LHX6: variants seen among roughly 807,000 people sequenced by gnomAD.
LHX6 encodes LIM homeobox 6.
In LHX6, 15 loss-of-function variants were observed where a neutral mutation model predicts 47.1. That is an observed-to-expected ratio of 0.32 (90% CI 0.21 to 0.49). The LOEUF (loss-of-function observed/expected upper bound fraction) is 0.49. Ranked by LOEUF, LHX6 falls within the 20% of genes least tolerant of loss-of-function variation. LHX6 has a pLI of 0.99. For synonymous variants in LHX6, 242 were observed against 233.5 expected, an observed-to-expected ratio of 1.04 and a Z score of -0.33; for missense variants, 404 against 539.6, an observed-to-expected ratio of 0.75 and a Z score of 2.49.
intron 4 of LHX6, among the ~76,000 whole-genome samples, chr9:122,222,390 TC>T (rs1830901481): frequency 6.6e-6 from 1 of 151,878 alleles, no homozygotes. Flanking sequence ...AAATTAAGAG[TC>T]CTGTCACATT....
At chr9:122,209,819 C>T in intron 8 of LHX6, 102 bp from the exon 9 acceptor site, 2 of 614,084 alleles carry the variant, frequency 3.3e-6, no homozygotes, top group South Asian at 3.8e-5. Flanking sequence ...CCAGTTTCAT[C>T]TCTGCCACTT....
intron 4 of LHX6, among the ~76,000 whole-genome samples, chr9:122,219,474 C>A (rs1186701975): frequency 6.6e-6 from 1 of 152,194 alleles, no homozygotes; most frequent in Non-Finnish European, 1.5e-5. Context: ...TACTCCCCCT[C>A]GAAGAGCCGA....
chr9:122,209,671 T>C lies in LHX6; in HGVS notation c.1101A>G (p.Ala367=), dbSNP rs1588337078. Residue 367 remains alanine, a synonymous_variant, in exon 9 of 10, where the codon GCA becomes GCG. Coordinates refer to ENST00000394319, the MANE Select transcript of LHX6 (RefSeq NM_014368.5). ...TATCGGCTTTGAGGTGGACGGGGGGTGCGGTGTAAGGCAGCCGGCAGTGCA... is the reference window on the plus strand; with the variant it reads ...TATCGGCTTTGAGGTGGACGGGGGGCGCGGTGTAAGGCAGCCGGCAGTGCA... ...GQVHCRLPYT[A]PPVHLKADMD... The C allele has an allele frequency of 3.0e-6, 4 of 1,316,102 alleles. No individual in the cohort carries two copies. The highest frequency in any genetic ancestry group is 1.8e-4 in the Middle Eastern group (1 of 5,524). 81.5% of individuals were successfully genotyped at this position (1,316,102 alleles called of 1,614,324 possible).
At chr9:122,209,474 C>T (rs1212374684) in intron 9 of LHX6, 140 bp downstream of exon 9, 7 of 1,265,258 alleles carry the variant, frequency 5.5e-6, no homozygotes, top group South Asian at 2.7e-5. Context: ...TGTGGGGGTG[C>T]GGTGGGGGTC....
Position 122,217,269 on chromosome 9 carries a change from C to A in LHX6, c.481G>T (p.Ala161Ser). The change falls in exon 5 of 10, where the codon GCC (alanine) becomes TCC (serine). Residue 161 changes from alanine to serine, a missense_variant. Around this residue, in one of 7 missense-constraint regions of LHX6, gnomAD observed 53 missense variants for 97.4 expected, o/e 0.54. Coordinates refer to ENST00000394319, the MANE Select transcript of LHX6 (RefSeq NM_014368.5). This position sits in a 1 kb window ranked among gnomAD's most constrained non-coding sequence, Gnocchi z 4.9. ...DYFSRFGTKC[A>S]RCGRQIYASD... ...GCGTAGATCTGTCGGCCGCACCGGG[C>A]ACACTTGGTCCCGAATCGGCTGCAG... 1 of 1,612,582 alleles carries A rather than the reference C, an allele frequency of 6.2e-7. No individual in the cohort carries two copies. Among genetic ancestry groups the A allele is most frequent in the Non-Finnish European group, 8.5e-7 (1 of 1,179,796 alleles).
At position 122,214,510 on chromosome 9, in the gene LHX6, C is replaced by T; in HGVS notation, c.683-127G>A. ...CGGGAGTTGGCTGGGAGCAGGGATC[C>T]CAGGGTCCTAGTCCCTGAGCTCAGT... is the stretch of plus-strand genomic sequence containing the variant. On this transcript the variant is annotated intron_variant, in intron 5 of 9. Transcript: ENST00000394319. The surrounding 1 kb of genome is among the most constrained non-coding windows in gnomAD (Gnocchi z 4.6). 1.5e-6 allele frequency: 2 copies of T among 1,320,000 alleles called. No individual in the cohort carries two copies. Among genetic ancestry groups the T allele is most frequent in the Non-Finnish European group, 2.0e-6 (2 of 1,014,408 alleles). 81.8% of individuals were successfully genotyped at this position (1,320,000 alleles called of 1,614,324 possible).
chr9:122,218,360 G>A (rs2118875093), intron 4 of LHX6, among the ~76,000 whole-genome samples: 1 of 152,230 alleles, frequency 6.6e-6, no homozygotes, highest in South Asian at 2.1e-4. Flanking sequence ...CCCAGCCCCT[G>A]AAGCTTGAAA....
At chr9:122,227,913 T>C (rs1044619561) in intron 1 of LHX6, 2 of 349,268 alleles carry the variant, frequency 5.7e-6, no homozygotes, top group South Asian at 4.2e-5. Flanking sequence ...ATTTGATTTT[T>C]TAATGGTAGT....
rs1329346796 is a variant in LHX6, at chr9:122,217,101, T to C, written c.649A>G (p.Met217Val). The C allele has an allele frequency of 4.3e-6, 7 of 1,614,048 alleles. No individual in the cohort carries two copies. The highest frequency in any genetic ancestry group is 2.2e-5 in the East Asian group (1 of 44,874). Residue 217 changes from methionine (M) to valine (V), a missense_variant, in exon 5 of 10, where the codon ATG (methionine) becomes GTG (valine). Coordinates refer to ENST00000394319, the MANE Select transcript of LHX6 (RefSeq NM_014368.5). The surrounding 1 kb of genome is among the most constrained non-coding windows in gnomAD (Gnocchi z 4.9). The stretch of plus-strand genomic sequence containing the variant: ...GCGGCCCTCTTGAGGTTCTCAATCA[T>C]GGTGTCGTAGTGGATGCGGCAGAGC... ...KVLCRIHYDT[M>V]IENLKRAAEN...
In LHX6 at chr9:122,221,228, A is replaced by G. The variant is rs540555822; in HGVS notation, c.462-3940T>C. On this transcript the variant is annotated intron_variant, in intron 4 of 9. Coordinates refer to ENST00000394319, the MANE Select transcript of LHX6 (RefSeq NM_014368.5). ...CGTAGGGGAAGAAGCCAGAGGGGGA[A>G]AAAAAACCCAGAACCAGCAATTAAG... 12,202 of 984,930 alleles carry G rather than the reference A, an allele frequency of 0.012. 1,152 individuals carry two copies. The African/African-American group carries it at 0.2, about 16-fold the overall frequency. 61.0% of individuals were successfully genotyped at this position (984,930 alleles called of 1,614,324 possible). A position where few individuals can be genotyped will look rare whatever the true frequency, so the allele number is the denominator to read the frequency against.
Position 122,203,816 on chromosome 9 carries a change from C to G in LHX6, c.*944G>C, listed in dbSNP as rs1226237924. On this transcript the variant is annotated 3_prime_UTR_variant, in exon 10 of 10. Transcript: ENST00000394319. ...TGTTCCCTCTCCCCTATAAGGGATT[C>G]CCCTTCCATTGAGAAGACCTGGCCC... The G allele has an allele frequency of 6.6e-6, 1 of 152,588 alleles. No individual in the cohort carries two copies. Among genetic ancestry groups the G allele is most frequent in the Non-Finnish European group, 1.5e-5 (1 of 68,090 alleles). 9.5% of individuals were successfully genotyped at this position (152,588 alleles called of 1,614,324 possible).
In LHX6 at chr9:122,213,945, T is replaced by TCC; in HGVS notation, c.879+27_879+28dup. 6 of 1,485,474 alleles carry TCC rather than the reference T, an allele frequency of 4.0e-6. No homozygotes were observed. The highest frequency in any genetic ancestry group is 4.6e-6 in the Non-Finnish European group (5 of 1,077,320). 92.0% of individuals were successfully genotyped at this position (1,485,474 alleles called of 1,614,324 possible). A position where few individuals can be genotyped will look rare whatever the true frequency, so the allele number is the denominator to read the frequency against. On this transcript the variant is annotated intron_variant, in intron 7 of 9. Coordinates refer to ENST00000394319, the MANE Select transcript of LHX6 (RefSeq NM_014368.5). This position sits in a 1 kb window ranked among gnomAD's most constrained non-coding sequence, Gnocchi z 5.5. The stretch of plus-strand genomic sequence containing the variant: ...TACGAGCTCCGGGGCGTGCCCGCGG[T>TCC]CCCCAGGCCCCGCCCACCCCCGTCC...
chr9:122,224,274 C>T (rs1830999290), intron 4 of LHX6, among the ~76,000 whole-genome samples: 1 of 152,110 alleles, frequency 6.6e-6, no homozygotes. Context: ...ATCTACCAGC[C>T]TTGGCCTCCC....
chr9:122,222,113 C>G (rs1367680324), intron 4 of LHX6, among the ~76,000 whole-genome samples: 1 of 152,232 alleles, frequency 6.6e-6, no homozygotes, highest in African/African-American at 2.4e-5. Context: ...TCCTGTGTCA[C>G]TGTAAGCAAT....
At chr9:122,221,081 C>T (rs1481895879) in intron 4 of LHX6, 3 of 985,328 alleles carry the variant, frequency 3.0e-6, no homozygotes, top group Non-Finnish European at 3.6e-6. Flanking sequence ...GAAACTCAAA[C>T]GGAGGTTCAC....
At chr9:122,220,062 A>C (rs1830779218) in intron 4 of LHX6, among the ~76,000 whole-genome samples, 1 of 152,180 alleles carries the variant, frequency 6.6e-6, no homozygotes, top group African/African-American at 2.4e-5. Flanking sequence ...GGCTCGTGGG[A>C]TTCTTTCCCC....
At chr9:122,218,233 G>A (rs116540710) in intron 4 of LHX6, among the ~76,000 whole-genome samples, 6 of 152,064 alleles carry the variant, frequency 3.9e-5, no homozygotes, top group Non-Finnish European at 5.9e-5. Flanking sequence ...GCCTGATCCC[G>A]GGCACCAGGG....
chr9:122,208,343 C>T (rs977473584), intron 9 of LHX6, among the ~76,000 whole-genome samples: 1 of 152,096 alleles, frequency 6.6e-6, no homozygotes, highest in Non-Finnish European at 1.5e-5. Context: ...CCCCCTTCCC[C>T]CTCCCCAGCT....
intron 5 of LHX6, among the ~76,000 whole-genome samples, chr9:122,215,643 A>T (rs910443585): frequency 6.6e-6 from 1 of 152,210 alleles, no homozygotes; most frequent in Non-Finnish European, 1.5e-5. Flanking sequence ...TCTACTGCTG[A>T]CTTGCTGACC....
Sources: gnomAD v4.1 joint callset for allele counts (sites outside exome capture counted in the v4.1 genomes callset) on GRCh38, gnomAD v4.1.1 for gene constraint, gnomAD v4.1.1 regional missense constraint, Gnocchi (gnomAD v3.1) non-coding constraint, MANE v1.5 for transcripts, NCBI Gene and HGNC (gene_info 2026-07-23, HGNC 2026-07-21) for gene names.